Variants in AOAH observed in about 807,000 individuals in gnomAD.
AOAH encodes the protein acyloxyacyl hydrolase.
In AOAH, 64 loss-of-function variants were observed where a neutral mutation model predicts 92.2. That is an observed-to-expected ratio of 0.69 (90% CI 0.57 to 0.86). The LOEUF (loss-of-function observed/expected upper bound fraction) is 0.86. AOAH is among the 40% of genes least tolerant of loss of function. The pLI, the probability that AOAH is intolerant of heterozygous loss-of-function variation, is 0.00. For synonymous variants in AOAH, 263 were observed against 254.5 expected (o/e 1.03, Z -0.32); for missense variants, 656 against 694.6 (o/e 0.94, Z 0.62).
intron 2 of AOAH, among the ~76,000 whole-genome samples, chr7:36,684,924 AAAAAAAAAAAAAAAAGAAG>A (rs1478029307): frequency 8.2e-6 from 1 of 122,458 alleles, no homozygotes; most frequent in Non-Finnish European, 1.7e-5. Context: ...AAAAAAAAAA[AAAAAAAAAAAAAAAAGAAG>A]AAGAAGAAGA....
At chr7:36,718,005 A>T (rs1799349700) in intron 1 of AOAH, among the ~76,000 whole-genome samples, 1 of 152,172 alleles carries the variant, frequency 6.6e-6, no homozygotes, top group African/African-American at 2.4e-5. Context: ...GGACACCATT[A>T]TGAAAGTGGG....
intron 11 of AOAH, among the ~76,000 whole-genome samples, chr7:36,611,510 C>A (rs1342981727): frequency 1.3e-5 from 2 of 152,150 alleles, no homozygotes; most frequent in Non-Finnish European, 2.9e-5. Flanking sequence ...CTTGTTAAGT[C>A]TCTAGGATGG....
intron 13 of AOAH, among the ~76,000 whole-genome samples, chr7:36,552,744 AG>A (rs1240438243): frequency 6.6e-6 from 1 of 152,130 alleles, no homozygotes; most frequent in Admixed American, 6.5e-5. Context: ...CACCTCTAGT[AG>A]TCTTGTGCCT....
At chr7:36,579,394 T>A (rs1583864970) in intron 12 of AOAH, among the ~76,000 whole-genome samples, 1 of 150,644 alleles carries the variant, frequency 6.6e-6, no homozygotes, top group African/African-American at 2.4e-5. Context: ...TTGTGAGATA[T>A]AATAAAACGA....
At chr7:36,540,292 A>G (rs1458306051) in intron 16 of AOAH, 27 bp downstream of exon 16, 6 of 1,579,872 alleles carry the variant, frequency 3.8e-6, no homozygotes, top group Middle Eastern at 1.7e-4. Flanking sequence ...ATGTTATTAA[A>G]GAGTAAAAGA....
intron 13 of AOAH, among the ~76,000 whole-genome samples, chr7:36,570,074 C>G (rs1042100260): frequency 2.0e-5 from 3 of 152,120 alleles, no homozygotes; most frequent in Non-Finnish European, 4.4e-5. Flanking sequence ...ACAGTACTAT[C>G]ATCTCTAGGC....
chr7:36,707,515 G>T (rs1041651472), intron 1 of AOAH, among the ~76,000 whole-genome samples: 5 of 152,144 alleles, frequency 3.3e-5, no homozygotes, highest in Non-Finnish European at 7.4e-5. Context: ...CAATAGACTT[G>T]TTTGGCATAG....
chr7:36,681,161 A>G (rs1403111237), intron 2 of AOAH, among the ~76,000 whole-genome samples: 3 of 152,242 alleles, frequency 2.0e-5, no homozygotes, highest in African/African-American at 7.2e-5. Flanking sequence ...AACAAAGCTT[A>G]ATGATAACTG....
chr7:36,542,217 A>C (rs1327404533), intron 15 of AOAH, among the ~76,000 whole-genome samples: 1 of 152,182 alleles, frequency 6.6e-6, no homozygotes, highest in African/African-American at 2.4e-5. Context: ...CCACAAGCCA[A>C]AGAGTGCTGA....
At chr7:36,617,515 T>C (rs1236706591) in intron 10 of AOAH, among the ~76,000 whole-genome samples, 1 of 152,262 alleles carries the variant, frequency 6.6e-6, no homozygotes, top group Non-Finnish European at 1.5e-5. Context: ...ATACTTTTTG[T>C]CCAAGAAAAC....
intron 1 of AOAH, among the ~76,000 whole-genome samples, chr7:36,700,746 T>C (rs963439710): frequency 1.3e-5 from 2 of 152,106 alleles, no homozygotes; most frequent in Non-Finnish European, 2.9e-5. Flanking sequence ...TTTAGTTTTT[T>C]GAGAAATCTT....
chr7:36,536,628 ATCTATCTCCCAGGGT>A (rs768878166), intron 16 of AOAH, among the ~76,000 whole-genome samples: 1 of 152,158 alleles, frequency 6.6e-6, no homozygotes, highest in Non-Finnish European at 1.5e-5. Flanking sequence ...TAATGAAAGC[ATCTATCTCCCAGGGT>A]TGTTTTAAGA....
chr7:36,553,594 G>C (rs1363776806), intron 13 of AOAH, among the ~76,000 whole-genome samples: 3 of 152,012 alleles, frequency 2.0e-5, no homozygotes. Context: ...CTAGTTTACA[G>C]TCCCACCAAC....
chr7:36,622,214 T>G (rs1792335695), intron 7 of AOAH, among the ~76,000 whole-genome samples: 2 of 152,188 alleles, frequency 1.3e-5, no homozygotes, highest in Admixed American at 1.3e-4. Flanking sequence ...TGCTCATGTA[T>G]GTGTGTCTAC....
At chr7:36,595,132 C>T (rs533278449) in intron 11 of AOAH, among the ~76,000 whole-genome samples, 7 of 152,290 alleles carry the variant, frequency 4.6e-5, no homozygotes, top group Non-Finnish European at 1.0e-4. Flanking sequence ...CATTTTACTC[C>T]TTTTATGAGT....
chr7:36,656,121 T>C (rs1387301531), intron 4 of AOAH, among the ~76,000 whole-genome samples: 2 of 152,070 alleles, frequency 1.3e-5, no homozygotes, highest in East Asian at 1.9e-4. Flanking sequence ...GAAAAAAATG[T>C]ATTAGAAAGA....
chr7:36,588,467 G>C (rs912596728), intron 12 of AOAH, among the ~76,000 whole-genome samples: 1 of 152,202 alleles, frequency 6.6e-6, no homozygotes, highest in Admixed American at 6.5e-5. Context: ...TTAATTATTT[G>C]TTTTGCAAAG....
At chr7:36,601,206 G>T (rs1790554768) in intron 11 of AOAH, among the ~76,000 whole-genome samples, 1 of 152,164 alleles carries the variant, frequency 6.6e-6, no homozygotes, top group Admixed American at 6.5e-5. Context: ...ATAAACTAAG[G>T]CTTTAATATA....
At chr7:36,562,352 A>G (rs960169065) in intron 13 of AOAH, among the ~76,000 whole-genome samples, 8 of 152,202 alleles carry the variant, frequency 5.3e-5, no homozygotes, top group African/African-American at 1.9e-4. Flanking sequence ...GATAGCTCCT[A>G]GCCTGTGGGA....
Sources: gnomAD v4.1 joint callset for allele counts (sites outside exome capture counted in the v4.1 genomes callset) on GRCh38, gnomAD v4.1.1 for gene constraint, MANE v1.5 for transcripts, NCBI Gene and HGNC (gene_info 2026-07-23, HGNC 2026-07-21) for gene names.